Variants in MAP3K9 observed in about 807,000 individuals in gnomAD.
MAP3K9 encodes mixed lineage kinase 1 (tyr and ser/thr specificity).
MAP3K9 carries 46 observed loss-of-function variants against 95.8 expected under a neutral mutation model. That is an observed-to-expected ratio of 0.48 (90% CI 0.38 to 0.61). The LOEUF is 0.61. Among genes scored for constraint, MAP3K9 ranks in the 20% least tolerant of loss-of-function variants. The pLI is 0.00. For missense variants in MAP3K9, 1,296 were observed against 1,474.3 expected, an observed-to-expected ratio of 0.88 and a Z score of 1.98; for synonymous variants, 533 against 593.8, an observed-to-expected ratio of 0.90 and a Z score of 1.49.
chr14:70,787,648 G>A (rs2054761665), intron 2 of MAP3K9, among the ~76,000 whole-genome samples: 1 of 152,096 alleles, frequency 6.6e-6, no homozygotes, highest in African/African-American at 2.4e-5. Context: ...ACACACATTG[G>A]GCTTCTGACT....
At chr14:70,783,544 G>A (rs2054708944) in intron 2 of MAP3K9, 1 of 290,646 alleles carries the variant, frequency 3.4e-6, no homozygotes, top group Non-Finnish European at 5.1e-6. Context: ...TTTGTGAGGT[G>A]GGCGAAGGAA....
At chr14:70,774,008 C>T (rs534441880) in intron 2 of MAP3K9, among the ~76,000 whole-genome samples, 1 of 152,286 alleles carries the variant, frequency 6.6e-6, no homozygotes, top group East Asian at 1.9e-4. Flanking sequence ...TAAACCAAAA[C>T]CAAGATCCCA....
intron 3 of MAP3K9, among the ~76,000 whole-genome samples, chr14:70,760,787 T>C (rs2054363091): frequency 6.6e-6 from 1 of 152,160 alleles, no homozygotes; most frequent in Non-Finnish European, 1.5e-5. Context: ...AAAAGTGGCC[T>C]GCGTATAGCA....
chr14:70,783,688 C>CACCACAAAGCATGCTCAGCGCTCCT (rs1447475078), intron 2 of MAP3K9, among the ~76,000 whole-genome samples: 1 of 152,168 alleles, frequency 6.6e-6, no homozygotes, highest in Non-Finnish European at 1.5e-5. Flanking sequence ...GTTAAGTGGG[C>CACCACAAAGCATGCTCAGCGCTCCT]ACCACAAAGC....
Position 70,732,734 on chromosome 14 carries a change from G to A in MAP3K9, c.2635C>T (p.Pro879Ser). Residue 879 changes from proline to serine, a missense_variant, in exon 11 of 12, where the codon CCC becomes TCC. By Grantham distance (74) the Pro-to-Ser change is moderately conservative. Coordinates refer to ENST00000554752, the MANE Select transcript of MAP3K9 (RefSeq NM_001284230.2). Reference protein sequence around the residue: ...APPLSPCTHNPLVNVRVERFK... With the variant: ...APPLSPCTHNSLVNVRVERFK... ...CGCTCTACTCGGACATTGACCAGGG[G>A]GTTGTGGGTACATGGACTCAGGGGA... 1 of 1,605,972 alleles carries A rather than the reference G, an allele frequency of 6.2e-7. No individual in the cohort carries two copies. Among genetic ancestry groups the A allele is most frequent in the Non-Finnish European group, 8.5e-7 (1 of 1,174,044 alleles).
At chr14:70,730,885 AG>A in intron 11 of MAP3K9, 21 bp from the exon 12 acceptor site, 2 of 1,585,408 alleles carry the variant, frequency 1.3e-6, no homozygotes, top group Non-Finnish European at 1.7e-6. Context: ...AGACAAAAGG[AG>A]AAGCATCAGA....
rs753087369 is a variant in MAP3K9 at position 70,800,719 on chromosome 14, T to G, written c.768A>C (p.Leu256Phe). 6.2e-7 allele frequency: 1 copy of G among 1,614,176 alleles called. No individual in the cohort carries two copies. Among genetic ancestry groups the G allele is most frequent in the Non-Finnish European group, 8.5e-7 (1 of 1,180,028 alleles). Residue 256 changes from leucine (L) to phenylalanine (F), a missense_variant, in exon 2 of 12, where the codon TTA (leucine) becomes TTC (phenylalanine). Leu to Phe is a conservative substitution (Grantham distance 22, BLOSUM62 0). This residue lies in a region of MAP3K9 where 338 missense variants were observed against 363.4 expected (regional missense o/e 0.93). Coordinates refer to ENST00000554752, the MANE Select transcript of MAP3K9 (RefSeq NM_001284230.2). Reference protein sequence around the residue: ...AVQIARGMNYLHDEAIVPIIH... With the variant: ...AVQIARGMNYFHDEAIVPIIH... ...TGATGGGAACAATTGCCTCATCATG[T>G]AAGTAGTTCATCCCTCTGGCAATCT...
intron 5 of MAP3K9, among the ~76,000 whole-genome samples, chr14:70,747,435 C>A (rs2054163059): frequency 6.6e-6 from 1 of 152,212 alleles, no homozygotes; most frequent in Non-Finnish European, 1.5e-5. Context: ...GAGGCCTCTC[C>A]AGCCCTGTGC....
At chr14:70,799,184 T>C (rs949411754) in intron 2 of MAP3K9, among the ~76,000 whole-genome samples, 1 of 150,512 alleles carries the variant, frequency 6.6e-6, no homozygotes, top group Non-Finnish European at 1.5e-5. Context: ...TAATTTTTTT[T>C]AAGAGATGGG....
In MAP3K9 at chr14:70,728,028, T is replaced by C. The variant is rs993988268; in HGVS notation, c.*2352A>G. The C allele has an allele frequency of 2.6e-5, 4 of 151,772 alleles. No individual in the cohort carries two copies. The highest frequency in any genetic ancestry group is 9.7e-5 in the African/African-American group (4 of 41,296). 9.4% of individuals were successfully genotyped at this position (151,772 alleles called of 1,614,324 possible). On this transcript the variant is annotated 3_prime_UTR_variant, in exon 12 of 12. Coordinates refer to ENST00000554752, the MANE Select transcript of MAP3K9 (RefSeq NM_001284230.2). ...GGTTTGGAGGGCCACAAGAGGGCCA[T>C]TTAGTGGAGCCAAGGATATACAGAT...
chr14:70,775,183 C>T, intron 2 of MAP3K9, among the ~76,000 whole-genome samples: 1 of 151,876 alleles, frequency 6.6e-6, no homozygotes, highest in East Asian at 1.9e-4. Flanking sequence ...ATAATAGCAG[C>T]TACTATTTTT....
chr14:70,727,350 C>T lies in MAP3K9; in HGVS notation c.*3030G>A, dbSNP rs1051245406. ...CCAAGAGGGTCAAAAGGGGATAATC[C>T]GAATCAGCGGTAGGAGCTGAAGAAT... On this transcript the variant is annotated 3_prime_UTR_variant, in exon 12 of 12. Coordinates refer to ENST00000554752, the MANE Select transcript of MAP3K9 (RefSeq NM_001284230.2). The T allele has an allele frequency of 2.0e-5, 3 of 152,198 alleles. No individual in the cohort carries two copies. Among genetic ancestry groups the T allele is most frequent in the South Asian group, 2.1e-4 (1 of 4,830 alleles). 9.4% of individuals were successfully genotyped at this position (152,198 alleles called of 1,614,324 possible). A position where few individuals can be genotyped will look rare whatever the true frequency, so the allele number is the denominator to read the frequency against.
Position 70,724,451 on chromosome 14 carries a change from C to G in MAP3K9, c.*5929G>C, listed in dbSNP as rs1020546096. The G allele has an allele frequency of 2.6e-5, 4 of 152,070 alleles. 1 individual carries two copies. Among genetic ancestry groups the G allele is most frequent in the Non-Finnish European group, 5.9e-5 (4 of 68,008 alleles). The allele number at this position is 152,070 out of a possible 1,614,324, so 9.4% of individuals were successfully genotyped here. A position where few individuals can be genotyped will look rare whatever the true frequency, so the allele number is the denominator to read the frequency against. On this transcript the variant is annotated 3_prime_UTR_variant, in exon 12 of 12. Transcript: ENST00000554752. ...AACGTATTTCACAGTGGTACCTAAG[C>G]CCCTCTCACAGGTCCAGGTGAGGGG...
chr14:70,750,137 G>A lies in MAP3K9; in HGVS notation c.1002-56C>T, dbSNP rs540670285. The A allele has an allele frequency of 1.4e-5, 20 of 1,399,426 alleles. No homozygotes were observed. The African/African-American group carries it at 4.4e-4, about 30-fold the overall frequency. 86.7% of individuals were successfully genotyped at this position (1,399,426 alleles called of 1,614,324 possible). ...AATAAACTTCAGGTACAACTTCACT[G>A]CAATAGCTCGAGTCTTTTCTGAGCA... is the stretch of plus-strand genomic sequence containing the variant. On this transcript the variant is annotated intron_variant, in intron 3 of 11. Coordinates refer to ENST00000554752, the MANE Select transcript of MAP3K9 (RefSeq NM_001284230.2).
Position 70,728,607 on chromosome 14 carries a change from C to T in MAP3K9, c.*1773G>A, listed in dbSNP as rs2053852244. Reference sequence around the variant, plus strand: ...GAAGGACACAGAAGAGAAGCAATAACAAAACCTTGGGCAATAAAACCAGTA... The same window carrying T: ...GAAGGACACAGAAGAGAAGCAATAATAAAACCTTGGGCAATAAAACCAGTA... On this transcript the variant is annotated 3_prime_UTR_variant, in exon 12 of 12. Transcript: ENST00000554752. 6.6e-6 allele frequency: 1 copy of T among 152,210 alleles called. No homozygotes were observed. Among genetic ancestry groups the T allele is most frequent in the Non-Finnish European group, 1.5e-5 (1 of 68,066 alleles). The allele number at this position is 152,210 out of a possible 1,614,324, so 9.4% of individuals were successfully genotyped here. A position where few individuals can be genotyped will look rare whatever the true frequency, so the allele number is the denominator to read the frequency against.
chr14:70,809,040 G>A lies in MAP3K9; in HGVS notation c.132C>T (p.Gly44=), dbSNP rs1414813463. 5 of 1,464,512 alleles carry A rather than the reference G, an allele frequency of 3.4e-6. No individual in the cohort carries two copies. Among genetic ancestry groups the A allele is most frequent in the South Asian group, 1.4e-5 (1 of 72,780 alleles). 90.7% of individuals were successfully genotyped at this position (1,464,512 alleles called of 1,614,324 possible). Residue 44 remains glycine, a synonymous_variant, in exon 1 of 12, where the codon GGC becomes GGT. Coordinates refer to ENST00000554752, the MANE Select transcript of MAP3K9 (RefSeq NM_001284230.2). ...GCGCGTCGCAGCCCAGCTCCCCGGG[G>A]CCCACCGCCGCCGCCGCCTCCTCCT... The part of the protein sequence containing the change: ...EEEEEAAAAV[G]PGELGCDAPL...
chr14:70,791,318 C>T (rs1002552821), intron 2 of MAP3K9, among the ~76,000 whole-genome samples: 1 of 152,192 alleles, frequency 6.6e-6, no homozygotes, highest in African/African-American at 2.4e-5. Flanking sequence ...CAAGCTTCTG[C>T]TCCAACTCCA....
intron 1 of MAP3K9, among the ~76,000 whole-genome samples, chr14:70,808,505 GA>G (rs1734763461): frequency 6.6e-6 from 1 of 152,152 alleles, no homozygotes; most frequent in African/African-American, 2.4e-5. Flanking sequence ...TCAGGATGTG[GA>G]AATCGGGAGC....
intron 2 of MAP3K9, among the ~76,000 whole-genome samples, chr14:70,788,689 A>G (rs1594806956): frequency 6.6e-6 from 1 of 152,204 alleles, no homozygotes; most frequent in East Asian, 1.9e-4. Context: ...ATGTATGGGA[A>G]AGACACAGTG....
Sources: allele counts gnomAD v4.1 joint callset (sites outside exome capture counted in the v4.1 genomes callset), GRCh38; gene constraint gnomAD v4.1.1; regional missense constraint gnomAD v4.1.1; transcripts MANE v1.5; gene names NCBI Gene and HGNC (gene_info 2026-07-23, HGNC 2026-07-21).